The following NEU4 variants were observed in gnomAD, a reference collection of about 807,000 sequenced individuals.
NEU4 encodes neuraminidase 4.
Under a neutral mutation model 9.9 loss-of-function variants are expected in NEU4, and 7 were observed. That is an observed-to-expected ratio of 0.71 (90% CI 0.40 to 1.33). The LOEUF (loss-of-function observed/expected upper bound fraction) is 1.33. NEU4 is among the 40% of genes most tolerant of loss of function. The pLI is 0.01. For missense variants in NEU4, 717 were observed against 712.6 expected (o/e 1.01, Z -0.07); for synonymous variants, 348 against 316.9 (o/e 1.10, Z -1.04).
Position 241,816,885 on chromosome 2 carries a change from G to A in NEU4, c.1292G>A (p.Gly431Glu), listed in dbSNP as rs753428990. The A allele has an allele frequency of 3.7e-6, 6 of 1,612,672 alleles. No homozygotes were observed. The highest frequency in any genetic ancestry group is 1.7e-5 in the Admixed American group (1 of 59,990). Residue 431 changes from glycine to glutamate, a missense_variant, in exon 4 of 4, where the codon GGG (glycine) becomes GAG (glutamate). By Grantham distance (98) the Gly-to-Glu change is moderately conservative (BLOSUM62 -2). Transcript: ENST00000407683. ...DLASIGPAPE[G>E]GLVFACLYES... ...GCGTCCATCGGGCCGGCCCCTGAGG[G>A]GGGCCTGGTTTTTGCCTGCCTGTAC...
chr2:241,814,938 G>T lies in NEU4; in HGVS notation c.248G>T (p.Arg83Leu), dbSNP rs377083387. Residue 83 changes from arginine (R) to leucine (L), a missense_variant, in exon 3 of 4, where the codon CGG becomes CTG. Arg to Leu is a moderately radical substitution (Grantham distance 102, BLOSUM62 -2). Transcript: ENST00000407683. ...VLGTAALAEH[R>L]SMNPCPVHDA... ...GGGACAGCAGCCCTGGCGGAGCACC[G>T]GTCCATGAACCCCTGCCCTGTGCAC... The T allele has an allele frequency of 2.5e-5, 40 of 1,611,896 alleles. No homozygotes were observed. Among genetic ancestry groups the T allele is most frequent in the Non-Finnish European group, 3.3e-5 (39 of 1,179,780 alleles).
At chr2:241,815,521 G>A (rs549818006) in intron 3 of NEU4, 155 of 507,434 alleles carry the variant, frequency 3.1e-4, no homozygotes, top group African/African-American at 2.6e-3. Context: ...CATCCCCCCC[G>A]CTAATCTCTT....
chr2:241,815,502 ACT>A (rs777998611), intron 3 of NEU4: 2 of 510,396 alleles, frequency 3.9e-6, no homozygotes, highest in Non-Finnish European at 7.8e-6. Context: ...GGCTGACCCG[ACT>A]CTCTCTCATC....
At chr2:241,810,727 C>G (rs55718484) in intron 1 of NEU4, 3 of 152,634 alleles carry the variant, frequency 2.0e-5, no homozygotes, top group African/African-American at 7.5e-5. Context: ...AGGAGTCCTG[C>G]GGGGACAGGC....
At chr2:241,812,292 C>G (rs1056245686) in intron 1 of NEU4, among the ~76,000 whole-genome samples, 28 of 152,204 alleles carry the variant, frequency 1.8e-4, no homozygotes, top group African/African-American at 6.0e-4. Flanking sequence ...AGGCCAGGTT[C>G]TCCTGGAGGT....
At position 241,815,047 on chromosome 2, in the gene NEU4, G is replaced by A; in HGVS notation, c.357G>A (p.Arg119=). The A allele has an allele frequency of 6.3e-7, 1 of 1,593,712 alleles. No homozygotes were observed. Reference sequence around the variant, plus strand: ...AGGCCGTGCAGATCGCCACGGGAAGGAACGCCGCGCGCCTCTGCTGTGTGG... The same window carrying A: ...AGGCCGTGCAGATCGCCACGGGAAGAAACGCCGCGCGCCTCTGCTGTGTGG... ...TPEAVQIATG[R]NAARLCCVAS... Residue 119 remains arginine, a synonymous_variant, in exon 3 of 4, where the codon AGG becomes AGA. Coordinates refer to ENST00000407683, the MANE Select transcript of NEU4 (RefSeq NM_001167600.3).
At chr2:241,815,944 C>T in intron 3 of NEU4, 107 bp from the exon 4 acceptor site, 3 of 1,167,668 alleles carry the variant, frequency 2.6e-6, no homozygotes, top group South Asian at 3.0e-5. Flanking sequence ...TGCGATGGTC[C>T]TAACCCGAGG....
Position 241,816,749 on chromosome 2 carries a change from C to T in NEU4, c.1156C>T (p.Arg386Cys), listed in dbSNP as rs537701318. Reference sequence around the variant, plus strand: ...GCTGCTGTACTCCCACCCAGTGGGGCGCAGGGCTCGGCTACACATGGGTAT... The same window carrying T: ...GCTGCTGTACTCCCACCCAGTGGGGTGCAGGGCTCGGCTACACATGGGTAT... ...TWLLYSHPVG[R>C]RARLHMGIRL... The change falls in exon 4 of 4, where the codon CGC becomes TGC. Residue 386 changes from arginine (R) to cysteine (C), a missense_variant. By Grantham distance (180) the Arg-to-Cys change is radical. Transcript: ENST00000407683. The T allele has an allele frequency of 1.1e-5, 17 of 1,569,302 alleles. No individual in the cohort carries two copies. The highest frequency in any genetic ancestry group is 1.7e-4 in the Middle Eastern group (1 of 5,888).
rs374251454 is a variant in NEU4 at position 241,813,376 on chromosome 2, C to T, written c.-3-1106C>T. The T allele has an allele frequency of 4.6e-5, 48 of 1,046,750 alleles. No individual in the cohort carries two copies. The African/African-American group carries it at 5.0e-4, about 11-fold the overall frequency. 64.8% of individuals were successfully genotyped at this position (1,046,750 alleles called of 1,614,324 possible). A position where few individuals can be genotyped will look rare whatever the true frequency, so the allele number is the denominator to read the frequency against. ...CGTGTGCCCGGCCTGGGCGGCTGGC[C>T]GTGGATCTGACCGCTCCTGCATGGT... On this transcript the variant is annotated intron_variant, in intron 1 of 3. Transcript: ENST00000407683.
rs370002261 is a variant in NEU4, at chr2:241,816,221, C to A, written c.628C>A (p.Arg210Ser). Residue 210 changes from arginine to serine, a missense_variant, in exon 4 of 4, where the codon CGC becomes AGC. Coordinates refer to ENST00000407683, the MANE Select transcript of NEU4 (RefSeq NM_001167600.3). ...FYSDDHGRTW[R>S]CGGLVPNLRS... Reference sequence around the variant, plus strand: ...CAGCGATGACCACGGCCGCACCTGGCGCTGTGGAGGCCTCGTGCCCAACCT... The same window carrying A: ...CAGCGATGACCACGGCCGCACCTGGAGCTGTGGAGGCCTCGTGCCCAACCT... The A allele has an allele frequency of 3.1e-6, 5 of 1,611,924 alleles. No individual in the cohort carries two copies. Among genetic ancestry groups the A allele is most frequent in the African/African-American group, 2.7e-5 (2 of 74,916 alleles).
chr2:241,811,190 T>C, intron 1 of NEU4: 1 of 1,232,744 alleles, frequency 8.1e-7, no homozygotes, highest in South Asian at 4.1e-5. Flanking sequence ...CCCCGTGTCC[T>C]CAGCACCCCA....
At position 241,814,700 on chromosome 2, in the gene NEU4, G is replaced by C; in HGVS notation, c.201+15G>C. 6.5e-7 allele frequency: 1 copy of C among 1,536,700 alleles called. No individual in the cohort carries two copies. The highest frequency in any genetic ancestry group is 8.7e-7 in the Non-Finnish European group (1 of 1,144,088). ...GCTCCGTGCGGGTGAGTGAGTGGCC[G>C]GGGGCTCTGTGTGGGTGTAGTGGCC... On this transcript the variant is annotated intron_variant, in intron 2 of 3. Transcript: ENST00000407683.
chr2:241,817,284 C>T lies in NEU4; in HGVS notation c.*236C>T. 1.9e-6 allele frequency: 1 copy of T among 522,132 alleles called. No homozygotes were observed. The highest frequency in any genetic ancestry group is 3.3e-6 in the Non-Finnish European group (1 of 304,136). 32.3% of individuals were successfully genotyped at this position (522,132 alleles called of 1,614,324 possible). A position where few individuals can be genotyped will look rare whatever the true frequency, so the allele number is the denominator to read the frequency against. ...GGGGCACGAAGTGGGCCCTGGGTGA[C>T]CCCCACAGCTCCCTTCCGAGGCTGC... is the stretch of plus-strand genomic sequence containing the variant. On this transcript the variant is annotated 3_prime_UTR_variant, in exon 4 of 4. Coordinates refer to ENST00000407683, the MANE Select transcript of NEU4 (RefSeq NM_001167600.3).
chr2:241,811,081 G>A lies in NEU4; in HGVS notation c.-4+1807G>A, dbSNP rs1475366450. On this transcript the variant is annotated intron_variant, in intron 1 of 3. Coordinates refer to ENST00000407683, the MANE Select transcript of NEU4 (RefSeq NM_001167600.3). ...TGCACTCACGGAGCCCTCCTGGCAG[G>A]GCCGCGTCTCTGGAGCAGCAGACCC... is the stretch of plus-strand genomic sequence containing the variant. 14 of 1,157,054 alleles carry A rather than the reference G, an allele frequency of 1.2e-5. No individual in the cohort carries two copies. The East Asian group carries it at 5.7e-4, about 47-fold the overall frequency. 71.7% of individuals were successfully genotyped at this position (1,157,054 alleles called of 1,614,324 possible).
intron 2 of NEU4, 24 bp downstream of exon 2, chr2:241,814,709 G>C: frequency 6.5e-7 from 1 of 1,533,068 alleles, no homozygotes; most frequent in Non-Finnish European, 8.8e-7. Context: ...CGGGGGCTCT[G>C]TGTGGGTGTA....
chr2:241,816,172 C>T lies in NEU4; in HGVS notation c.579C>T (p.Thr193=), dbSNP rs1449504908. 10 of 1,612,652 alleles carry T rather than the reference C, an allele frequency of 6.2e-6. No homozygotes were observed. Among genetic ancestry groups the T allele is most frequent in the Non-Finnish European group, 8.5e-6 (10 of 1,179,848 alleles). Residue 193 remains threonine, a synonymous_variant, in exon 4 of 4, where the codon ACC becomes ACT. Transcript: ENST00000407683. ...AGTGTTTTGGCAAGATCTGCCGGACCAGCCCTCACTCCTTCGCCTTCTACA... is the reference window on the plus strand; with the variant it reads ...AGTGTTTTGGCAAGATCTGCCGGACTAGCCCTCACTCCTTCGCCTTCTACA... ...RRECFGKICR[T]SPHSFAFYSD... is the part of the protein sequence containing the mutation.
At position 241,814,696 on chromosome 2, in the gene NEU4, G is replaced by A; in HGVS notation, c.201+11G>A. ...GGGGGCTCCGTGCGGGTGAGTGAGT[G>A]GCCGGGGGCTCTGTGTGGGTGTAGT... On this transcript the variant is annotated intron_variant, in intron 2 of 3. Transcript: ENST00000407683. 1 of 1,540,422 alleles carries A rather than the reference G, an allele frequency of 6.5e-7. No homozygotes were observed. The highest frequency in any genetic ancestry group is 8.7e-7 in the Non-Finnish European group (1 of 1,145,986).
rs763224003 is a variant in NEU4 at position 241,814,620 on chromosome 2, C to T, written c.136C>T (p.Pro46Ser). The T allele has an allele frequency of 2.5e-6, 4 of 1,604,086 alleles. No individual in the cohort carries two copies. Among genetic ancestry groups the T allele is most frequent in the African/African-American group, 1.3e-5 (1 of 74,916 alleles). ...LLAFVEQRLS[P>S]DDSHAHRLVL... ...GGCCTTTGTGGAGCAGCGGCTCAGCCCTGACGACTCCCACGCCCACCGCCT... is the reference window on the plus strand; with the variant it reads ...GGCCTTTGTGGAGCAGCGGCTCAGCTCTGACGACTCCCACGCCCACCGCCT... The change falls in exon 2 of 4, where the codon CCT becomes TCT. Residue 46 changes from proline to serine, a missense_variant. Pro to Ser is a moderately conservative substitution (Grantham distance 74). Coordinates refer to ENST00000407683, the MANE Select transcript of NEU4 (RefSeq NM_001167600.3).
intron 1 of NEU4, 125 bp from the exon 2 acceptor site, chr2:241,814,357 A>T: frequency 1.1e-6 from 1 of 884,720 alleles, no homozygotes; most frequent in East Asian, 2.6e-5. Context: ...TGGGTACAGG[A>T]AGAGGCCCAG....
Sources: allele counts gnomAD v4.1 joint callset (sites outside exome capture counted in the v4.1 genomes callset), GRCh38; gene constraint gnomAD v4.1.1; transcripts MANE v1.5; gene names NCBI Gene and HGNC (gene_info 2026-07-23, HGNC 2026-07-21).